The following QTMAN variants were observed in gnomAD, a reference collection of about 807,000 sequenced individuals.
QTMAN encodes tRNA-queuosine alpha-mannosyltransferase.
At chr2:144,027,804 G>A in the QTMAN span, among the ~76,000 whole-genome samples, 2 of 152,294 alleles carry the variant, frequency 1.3e-5, no homozygotes, top group South Asian at 2.1e-4. Flanking sequence ...TGCTCTAAGT[G>A]ATTAAGATAG....
the QTMAN span, among the ~76,000 whole-genome samples, chr2:144,133,421 T>TATATATAATATATA: frequency 3.8e-4 from 21 of 54,818 alleles, no homozygotes; most frequent in African/African-American, 1.5e-3. Context: ...TTATATATAA[T>TATATATAATATATA]ATATATAATA....
the QTMAN span, among the ~76,000 whole-genome samples, chr2:144,169,250 C>T: frequency 6.6e-6 from 1 of 152,068 alleles, no homozygotes; most frequent in Admixed American, 6.6e-5. Flanking sequence ...CTATGTGCAG[C>T]CATGGTTGAG....
the QTMAN span, among the ~76,000 whole-genome samples, chr2:144,009,193 AAG>A: frequency 4.6e-5 from 7 of 152,212 alleles, 2 homozygotes; most frequent in Admixed American, 6.5e-5. Flanking sequence ...CTGAGGGAAA[AAG>A]AGAGAAATGA....
chr2:144,214,123 G>A, the QTMAN span, among the ~76,000 whole-genome samples: 1 of 151,752 alleles, frequency 6.6e-6, no homozygotes, highest in African/African-American at 2.4e-5. Context: ...TGTGACCAGT[G>A]ATTCCCCTAA....
At chr2:143,973,129 T>C in the QTMAN span, among the ~76,000 whole-genome samples, 1 of 152,168 alleles carries the variant, frequency 6.6e-6, no homozygotes, top group Non-Finnish European at 1.5e-5. Flanking sequence ...GGGTTTTTTT[T>C]TCTTTTTTTG....
At chr2:144,009,537 TTTC>T in the QTMAN span, among the ~76,000 whole-genome samples, 2 of 152,068 alleles carry the variant, frequency 1.3e-5, no homozygotes, top group African/African-American at 4.8e-5. Context: ...GATCTTTAAA[TTTC>T]TATTCTAATT....
At chr2:144,017,401 C>T in the QTMAN span, among the ~76,000 whole-genome samples, 1 of 152,230 alleles carries the variant, frequency 6.6e-6, no homozygotes, top group East Asian at 1.9e-4. Flanking sequence ...TGAATAAAGT[C>T]ATTTAATTTT....
chr2:143,981,790 T>C, the QTMAN span, among the ~76,000 whole-genome samples: 4 of 152,222 alleles, frequency 2.6e-5, no homozygotes, highest in African/African-American at 9.6e-5. Context: ...GGAATGTCTG[T>C]TCTATAAAGA....
At chr2:143,999,946 T>C in the QTMAN span, among the ~76,000 whole-genome samples, 1 of 152,080 alleles carries the variant, frequency 6.6e-6, no homozygotes, top group Admixed American at 6.6e-5. Context: ...GTAGAAGTTC[T>C]TTATGCTGAC....
chr2:144,274,178 C>A, the QTMAN span, among the ~76,000 whole-genome samples: 1 of 152,184 alleles, frequency 6.6e-6, no homozygotes, highest in Non-Finnish European at 1.5e-5. Flanking sequence ...TGGTTCCTGG[C>A]ATAGAGCTCC....
chr2:144,004,234 G>C, the QTMAN span, among the ~76,000 whole-genome samples: 1 of 151,960 alleles, frequency 6.6e-6, no homozygotes. Flanking sequence ...TACAAGGATG[G>C]GGGAGGCTCA....
chr2:144,141,370 C>T, the QTMAN span, among the ~76,000 whole-genome samples: 3 of 151,286 alleles, frequency 2.0e-5, no homozygotes, highest in Admixed American at 2.0e-4. Flanking sequence ...CAATTAGGTA[C>T]ATTTGTAAAC....
At chr2:143,943,351 A>G in the QTMAN span, 1 of 152,250 alleles carries the variant, frequency 6.6e-6, no homozygotes, top group African/African-American at 2.4e-5. Flanking sequence ...ATTGTTAAAC[A>G]TAAGATCTAA....
chr2:144,163,688 C>CA, the QTMAN span, among the ~76,000 whole-genome samples: 13 of 152,062 alleles, frequency 8.5e-5, no homozygotes, highest in Non-Finnish European at 1.5e-5. Flanking sequence ...TTTTAAAGGG[C>CA]AAAAAATCAT....
the QTMAN span, among the ~76,000 whole-genome samples, chr2:143,963,046 TTTAG>T: frequency 6.6e-6 from 1 of 152,156 alleles, no homozygotes; most frequent in East Asian, 1.9e-4. Context: ...TAAAATTTGA[TTTAG>T]TATTTATTTC....
At chr2:143,976,010 C>T in the QTMAN span, among the ~76,000 whole-genome samples, 2 of 152,164 alleles carry the variant, frequency 1.3e-5, no homozygotes, top group Non-Finnish European at 2.9e-5. Flanking sequence ...TATAGAGCTC[C>T]TGTTACATTC....
chr2:144,007,092 TAAG>T, the QTMAN span: 14,017 of 791,546 alleles, frequency 0.018, 207 homozygotes, highest in Non-Finnish European at 0.021. Context: ...TCTAAAGCAA[TAAG>T]AAGAACAAAT....
the QTMAN span, among the ~76,000 whole-genome samples, chr2:144,124,356 TATGTAA>T: frequency 2.0e-5 from 3 of 152,158 alleles, no homozygotes; most frequent in Admixed American, 2.0e-4. Flanking sequence ...TATCTTCTCA[TATGTAA>T]ATGTGAGTTA....
chr2:144,283,245 G>C, the QTMAN span, among the ~76,000 whole-genome samples: 1 of 152,118 alleles, frequency 6.6e-6, no homozygotes, highest in African/African-American at 2.4e-5. Flanking sequence ...AATCTTGTGG[G>C]ATCAAGCTCT....
Sources: gnomAD v4.1 joint callset for allele counts (sites outside exome capture counted in the v4.1 genomes callset) on GRCh38, gnomAD v4.1.1 for gene constraint, MANE v1.5 for transcripts, NCBI Gene and HGNC (gene_info 2026-07-23, HGNC 2026-07-21) for gene names.